LMNTD1: variants seen among roughly 807,000 people sequenced by gnomAD.
The protein encoded by LMNTD1 is lamin tail domain containing 1, also known as lamin tail domain-containing protein 1.
A neutral mutation model predicts 50.9 loss-of-function variants in LMNTD1; 35 were observed. The ratio of observed to expected loss-of-function variants is 0.69; its 90% CI spans 0.53 to 0.91. The LOEUF (loss-of-function observed/expected upper bound fraction) is 0.91, where lower values mean the gene tolerates loss of function less well. Among genes scored for constraint, LMNTD1 ranks in the 40% least tolerant of loss-of-function variants. The pLI, the probability that LMNTD1 is intolerant of heterozygous loss-of-function variation, is 0.00. For synonymous variants in LMNTD1, 153 were observed against 161.9 expected (o/e 0.94, Z 0.42); for missense variants, 470 against 475.5 (o/e 0.99, Z 0.11).
At chr12:25,601,994 T>C (rs1196129522) in intron 1 of LMNTD1, among the ~76,000 whole-genome samples, 1 of 151,926 alleles carries the variant, frequency 6.6e-6, no homozygotes, top group East Asian at 1.9e-4. Flanking sequence ...ATTATAACTT[T>C]TTTACCAAAG....
intron 1 of LMNTD1, among the ~76,000 whole-genome samples, chr12:25,603,083 C>T (rs1308474774): frequency 6.6e-6 from 1 of 152,000 alleles, no homozygotes; most frequent in Non-Finnish European, 1.5e-5. Context: ...GGTGTTCCCC[C>T]TCTTAAGTCT....
At chr12:25,614,390 A>G (rs1179466441) in intron 1 of LMNTD1, among the ~76,000 whole-genome samples, 3 of 152,092 alleles carry the variant, frequency 2.0e-5, no homozygotes, top group East Asian at 3.9e-4. Flanking sequence ...ATTACCAGGT[A>G]TCTGGGTGAC....
intron 9 of LMNTD1, among the ~76,000 whole-genome samples, chr12:25,479,828 G>C (rs1050404631): frequency 6.6e-6 from 1 of 152,206 alleles, no homozygotes; most frequent in African/African-American, 2.4e-5. Flanking sequence ...GTAGCTGGCT[G>C]ATCCCCTGAG....
chr12:25,539,220 G>A (rs535765765), intron 4 of LMNTD1, among the ~76,000 whole-genome samples: 3,923 of 145,012 alleles, frequency 0.027, 118 homozygotes, highest in East Asian at 0.14. Flanking sequence ...TGCACCAAGC[G>A]GACCTAATAG....
rs144658634 is a variant in LMNTD1, at chr12:25,609,318, C to G, written c.58+39176G>C. ...GTTAATACTGACCTTCTGAAGCCTA[C>G]TTCTGTCAACTTGTCAAAGTCATTC... On this transcript the variant is annotated intron_variant, in intron 1 of 7. Coordinates refer to the LMNTD1 transcript ENST00000445693. Among the ~76,000 whole-genome samples the G allele has an allele frequency of 1.5e-4, 23 of 152,344 alleles. No homozygotes were observed. The East Asian group carries it at 4.4e-3, about 29-fold the overall frequency.
chr12:25,522,139 G>T (rs565571932), intron 6 of LMNTD1, among the ~76,000 whole-genome samples: 1 of 152,242 alleles, frequency 6.6e-6, no homozygotes, highest in African/African-American at 2.4e-5. Context: ...TAAGCTTCTA[G>T]CAGAGAAAGA....
chr12:25,557,871 C>G (rs1944106787), upstream of LMNTD1, among the ~76,000 whole-genome samples: 2 of 152,302 alleles, frequency 1.3e-5, no homozygotes, highest in East Asian at 1.9e-4. Flanking sequence ...CAATCTCTAG[C>G]AGAAAAGTAG....
chr12:25,635,842 C>A (rs1946822035), intron 1 of LMNTD1, among the ~76,000 whole-genome samples: 1 of 144,286 alleles, frequency 6.9e-6, no homozygotes, highest in Non-Finnish European at 1.5e-5. Flanking sequence ...TACTTACAGG[C>A]AACTGATCTT....
intron 1 of LMNTD1, among the ~76,000 whole-genome samples, chr12:25,569,556 G>A (rs1944700118): frequency 6.6e-6 from 1 of 152,158 alleles, no homozygotes; most frequent in Admixed American, 6.5e-5. Context: ...GGGGCAGAAT[G>A]ATATGGTTTG....
chr12:25,586,500 T>G (rs1945528073), intron 1 of LMNTD1, among the ~76,000 whole-genome samples: 1 of 152,188 alleles, frequency 6.6e-6, no homozygotes, highest in African/African-American at 2.4e-5. Flanking sequence ...ACTTTCATTT[T>G]TTCTCCTCCC....
At chr12:25,498,661 A>G (rs1939205924) in intron 9 of LMNTD1, among the ~76,000 whole-genome samples, 1 of 152,194 alleles carries the variant, frequency 6.6e-6, no homozygotes, top group Admixed American at 6.5e-5. Flanking sequence ...GCTTTTGACC[A>G]ATGTTTTTTT....
At chr12:25,530,020 C>T (rs570875172) in intron 4 of LMNTD1, among the ~76,000 whole-genome samples, 1 of 152,038 alleles carries the variant, frequency 6.6e-6, no homozygotes, top group African/African-American at 2.4e-5. Flanking sequence ...AAATTTTCAG[C>T]CTTCTTATTA....
chr12:25,585,393 C>A (rs1316340170), intron 1 of LMNTD1, among the ~76,000 whole-genome samples: 1 of 152,152 alleles, frequency 6.6e-6, no homozygotes, highest in Admixed American at 6.5e-5. Context: ...CATGCTGCTG[C>A]GATTACCTTA....
intron 1 of LMNTD1, among the ~76,000 whole-genome samples, chr12:25,634,210 G>T (rs555478858): frequency 1.3e-5 from 2 of 152,086 alleles, no homozygotes; most frequent in East Asian, 3.9e-4. Flanking sequence ...AACAAAAAAA[G>T]TCCAGGACTA....
At chr12:25,593,800 TAAA>T (rs200768990) in intron 1 of LMNTD1, among the ~76,000 whole-genome samples, 1 of 132,296 alleles carries the variant, frequency 7.6e-6, no homozygotes, top group Non-Finnish European at 1.7e-5. Flanking sequence ...CTAAGGAAAT[TAAA>T]AAAAAAAAAA....
intron 4 of LMNTD1, among the ~76,000 whole-genome samples, chr12:25,528,257 G>A (rs1273019492): frequency 2.0e-5 from 3 of 152,140 alleles, no homozygotes; most frequent in Non-Finnish European, 4.4e-5. Flanking sequence ...CAGACAGGTA[G>A]TATTTTAGCC....
intron 9 of LMNTD1, among the ~76,000 whole-genome samples, chr12:25,482,407 AG>A (rs1212004080): frequency 6.6e-6 from 1 of 152,000 alleles, no homozygotes; most frequent in African/African-American, 2.4e-5. Context: ...ACTTTCATGA[AG>A]AAAAAAAAGA....
chr12:25,546,850 G>C (rs1176551632), intron 3 of LMNTD1, among the ~76,000 whole-genome samples: 1 of 151,462 alleles, frequency 6.6e-6, no homozygotes, highest in Non-Finnish European at 1.5e-5. Flanking sequence ...AGTTGTACTA[G>C]AAGCATCATC....
intron 1 of LMNTD1, among the ~76,000 whole-genome samples, chr12:25,593,690 G>T (rs1945767854): frequency 6.6e-6 from 1 of 151,572 alleles, no homozygotes; most frequent in Non-Finnish European, 1.5e-5. Context: ...ACCAGCAATG[G>T]GTCCAAACCA....
Sources: allele counts gnomAD v4.1 joint callset (sites outside exome capture counted in the v4.1 genomes callset), GRCh38; gene constraint gnomAD v4.1.1; transcripts MANE v1.5; gene names NCBI Gene and HGNC (gene_info 2026-07-23, HGNC 2026-07-21).